The following DLX3 variants were observed in gnomAD, a reference collection of about 807,000 sequenced individuals.
The protein encoded by DLX3 is distal-less homeobox 3.
DLX3 carries 9 observed loss-of-function variants against 28.0 expected under a neutral mutation model. That is an observed-to-expected ratio of 0.32 (90% CI 0.19 to 0.56). The LOEUF (loss-of-function observed/expected upper bound fraction) is 0.56. Among genes scored for constraint, DLX3 ranks in the 20% least tolerant of loss-of-function variants. The pLI, the probability that DLX3 is intolerant of heterozygous loss-of-function variation, is 0.91. For missense variants in DLX3, 313 were observed against 378.2 expected, an observed-to-expected ratio of 0.83 and a Z score of 1.43; for synonymous variants, 154 against 167.9, an observed-to-expected ratio of 0.92 and a Z score of 0.64.
chr17:49,992,411 C>T (rs920495998), intron 2 of DLX3, among the ~76,000 whole-genome samples: 2 of 152,092 alleles, frequency 1.3e-5, no homozygotes, highest in African/African-American at 4.8e-5. Flanking sequence ...AGACACCAGA[C>T]AATAAAAATA....
chr17:49,991,775 A>G lies in DLX3; in HGVS notation c.606T>C (p.Ser202=). ...GTGGTGAGTTGCAGGCCATGGAATC[A>G]CTGTTATTGGGACTGTGCTCCAGCG... is the stretch of plus-strand genomic sequence containing the variant. ...EVPLEHSPNN[S]DSMACNSPPS... is the part of the protein sequence containing the mutation. Residue 202 remains serine (S), a synonymous_variant, in exon 3 of 3, where the codon AGT becomes AGC. Coordinates refer to ENST00000434704, the MANE Select transcript of DLX3 (RefSeq NM_005220.3). 1 of 1,613,844 alleles carries G rather than the reference A, an allele frequency of 6.2e-7. No individual in the cohort carries two copies. Among genetic ancestry groups the G allele is most frequent in the Non-Finnish European group, 8.5e-7 (1 of 1,179,970 alleles).
At chr17:49,992,286 A>G (rs1906118648) in intron 2 of DLX3, among the ~76,000 whole-genome samples, 1 of 152,210 alleles carries the variant, frequency 6.6e-6, no homozygotes, top group Non-Finnish European at 1.5e-5. Context: ...GACGGTTTGT[A>G]GCATTTCATT....
chr17:49,994,547 A>G, intron 1 of DLX3, 127 bp downstream of exon 1: 1 of 1,182,260 alleles, frequency 8.5e-7, no homozygotes, highest in Non-Finnish European at 1.2e-6. Flanking sequence ...ATCTAGGCCA[A>G]CTTCTCTAAC....
intron 2 of DLX3, among the ~76,000 whole-genome samples, chr17:49,993,145 C>T (rs1012811834): frequency 3.3e-5 from 5 of 152,186 alleles, no homozygotes; most frequent in Non-Finnish European, 7.3e-5. Context: ...AAGTGACTAG[C>T]ACTGCTGGGG....
rs2041024911 is a variant in DLX3 at position 49,991,672 on chromosome 17, A to C, written c.709T>G (p.Tyr237Asp). 6.2e-7 allele frequency: 1 copy of C among 1,613,654 alleles called. No homozygotes were observed. Among genetic ancestry groups the C allele is most frequent in the Non-Finnish European group, 8.5e-7 (1 of 1,179,914 alleles). The change falls in exon 3 of 3, where the codon TAC becomes GAC. Residue 237 changes from tyrosine to aspartate, a missense_variant. By Grantham distance (160) the Tyr-to-Asp change is radical. Coordinates refer to ENST00000434704, the MANE Select transcript of DLX3 (RefSeq NM_005220.3). ...ARSQLPPPLP[Y>D]SASPSYLDDP... ...TCCAGGTAGCTGGGGGAGGCACTGT[A>C]TGGGAGCGGCGGGGGCAGCTGACTG...
At position 49,994,953 on chromosome 17, in the gene DLX3, T is replaced by TG; in HGVS notation, c.45dup (p.Ile16HisfsTer6). On this transcript the variant is annotated frameshift_variant, in exon 1 of 3. Coordinates refer to ENST00000434704, the MANE Select transcript of DLX3 (RefSeq NM_005220.3). LOFTEE classifies it high-confidence loss of function. Reference sequence around the variant, plus strand: ...GCATGGCAGCTAAGGGAGCTGGAGATGTCGGTGAGGATGCTGCTGAGCTTG... The same window carrying TG: ...GCATGGCAGCTAAGGGAGCTGGAGATGGTCGGTGAGGATGCTGCTGAGCTTG... The TG allele has an allele frequency of 6.2e-7, 1 of 1,613,552 alleles. No individual in the cohort carries two copies.
chr17:49,991,639 TG>T lies in DLX3; in HGVS notation c.741del (p.Thr248ProfsTer10), dbSNP rs1906093151. 1.2e-6 allele frequency: 2 copies of T among 1,613,370 alleles called. No individual in the cohort carries two copies. Among genetic ancestry groups the T allele is most frequent in the East Asian group, 4.5e-5 (2 of 44,854 alleles). ...TTCTGTGCGTGATACCAGGAGTTGG[TG>T]GGGTCGTCCAGGTAGCTGGGGGAGG... Reference protein sequence around the residue: ...YSASPSYLDDPTNSWYHAQNL... With the variant: ...YSASPSYLDDXTNSWYHAQNL... On this transcript the variant is annotated frameshift_variant, in exon 3 of 3. Transcript: ENST00000434704. LOFTEE classifies it high-confidence loss of function.
At chr17:49,992,463 G>A (rs1328214345) in intron 2 of DLX3, among the ~76,000 whole-genome samples, 1 of 152,072 alleles carries the variant, frequency 6.6e-6, no homozygotes, top group Non-Finnish European at 1.5e-5. Context: ...CCCACAACAT[G>A]AGCACCCACA....
intron 1 of DLX3, 123 bp from the exon 2 acceptor site, chr17:49,993,713 G>A: frequency 8.5e-7 from 1 of 1,174,698 alleles, no homozygotes; most frequent in Non-Finnish European, 1.2e-6. Flanking sequence ...GGGATTCCCG[G>A]CCGCGCGCTC....
Position 49,995,220 on chromosome 17 carries a change from A to C in DLX3, c.-222T>G. 3.2e-6 allele frequency: 2 copies of C among 619,510 alleles called. No homozygotes were observed. Among genetic ancestry groups the C allele is most frequent in the Non-Finnish European group, 2.9e-6 (1 of 349,948 alleles). 38.4% of individuals were successfully genotyped at this position (619,510 alleles called of 1,614,324 possible). On this transcript the variant is annotated 5_prime_UTR_variant, in exon 1 of 3. Transcript: ENST00000434704. Reference sequence around the variant, plus strand: ...TCCTCGCGTCCCAAGCCACAATCAAATGCTGCCAGCTCCGCCCGGCCAGCC... The same window carrying C: ...TCCTCGCGTCCCAAGCCACAATCAACTGCTGCCAGCTCCGCCCGGCCAGCC...
rs2303467 is a variant in DLX3 at position 49,993,377 on chromosome 17, G to A, written c.516+23C>T. The A allele has an allele frequency of 0.19, 296,133 of 1,580,562 alleles. 30,889 individuals carry two copies. The highest frequency in any genetic ancestry group is 0.5 in the East Asian group (21,674 of 43,606). The stretch of plus-strand genomic sequence containing the variant: ...CTACGGGGTCCCGCGCGCCCCCGCG[G>A]CCCTGGACAGCCAAACACCAACCTG... On this transcript the variant is annotated intron_variant, in intron 2 of 2. Coordinates refer to ENST00000434704, the MANE Select transcript of DLX3 (RefSeq NM_005220.3).
In DLX3 at chr17:49,994,784, T is replaced by C. The variant is rs757474298; in HGVS notation, c.215A>G (p.Asn72Ser). The change falls in exon 1 of 3, where the codon AAT (asparagine) becomes AGT (serine). Residue 72 changes from asparagine (N) to serine (S), a missense_variant. Transcript: ENST00000434704. ...PYTYHHQFNL[N>S]GLAGTGAYSP... ...GTAAGCGCCCGTGCCTGCAAGCCCA[T>C]TGAGATTGAATTGGTGGTGGTAGGT... 3.7e-6 allele frequency: 6 copies of C among 1,614,100 alleles called. No homozygotes were observed. In the South Asian group the frequency reaches 5.5e-5, roughly 15 times the overall value.
rs750898874 is a variant in DLX3 at position 49,993,482 on chromosome 17, T to A, written c.434A>T (p.Gln145Leu). The A allele has an allele frequency of 4.3e-6, 7 of 1,612,936 alleles. No individual in the cohort carries two copies. The highest frequency in any genetic ancestry group is 5.9e-6 in the Non-Finnish European group (7 of 1,179,432). Residue 145 changes from glutamine to leucine, a missense_variant, in exon 2 of 3, where the codon CAG (glutamine) becomes CTG (leucine). By Grantham distance (113) the Gln-to-Leu change is moderately radical. This residue lies in a region of DLX3 where 183 missense variants were observed against 197.7 expected (regional missense o/e 0.93). Coordinates refer to ENST00000434704, the MANE Select transcript of DLX3 (RefSeq NM_005220.3). ...GTACTGGGCCTTCTGGAAGCGGCGC[T>A]GCAGGGCGGCCAGCTGGTAGCTGGA... ...IYSSYQLAALQRRFQKAQYLA... is the reference protein window; with the variant it reads ...IYSSYQLAALLRRFQKAQYLA...
chr17:49,993,502 G>A lies in DLX3; in HGVS notation c.414C>T (p.Ser138=), dbSNP rs755653666. 1.1e-5 allele frequency: 18 copies of A among 1,613,600 alleles called. No individual in the cohort carries two copies. The highest frequency in any genetic ancestry group is 1.5e-5 in the Non-Finnish European group (18 of 1,179,730). ...KVRKPRTIYS[S]YQLAALQRRF... is the part of the protein sequence containing the mutation. ...GGCGCTGCAGGGCGGCCAGCTGGTA[G>A]CTGGAGTAGATCGTACGCGGCTTTC... Residue 138 remains serine (S), a synonymous_variant, in exon 2 of 3, where the codon AGC becomes AGT. Coordinates refer to ENST00000434704, the MANE Select transcript of DLX3 (RefSeq NM_005220.3).
chr17:49,993,308 C>A, intron 2 of DLX3, 92 bp downstream of exon 2: 1 of 1,358,110 alleles, frequency 7.4e-7, no homozygotes, highest in South Asian at 1.3e-5. Flanking sequence ...CAGGAGCCCG[C>A]AGGGCCCTTC....
chr17:49,993,206 G>A (rs1315984640), intron 2 of DLX3, among the ~76,000 whole-genome samples, 194 bp downstream of exon 2: 2 of 152,218 alleles, frequency 1.3e-5, no homozygotes, highest in Non-Finnish European at 2.9e-5. Context: ...AGTTGCACGG[G>A]TTCACAACTA....
At position 49,990,449 on chromosome 17, in the gene DLX3, G is replaced by A. The variant is rs1906046385; in HGVS notation, c.*1068C>T. On this transcript the variant is annotated 3_prime_UTR_variant, in exon 3 of 3. Coordinates refer to ENST00000434704, the MANE Select transcript of DLX3 (RefSeq NM_005220.3). ...AGGGGCAGTGCCACCAGCCCTCCAG[G>A]CAGTTACCCCTTACTCCCAAAGGCA... 2 of 152,026 alleles carry A rather than the reference G, an allele frequency of 1.3e-5. No individual in the cohort carries two copies. The highest frequency in any genetic ancestry group is 1.3e-4 in the Admixed American group (2 of 15,200). 9.4% of individuals were successfully genotyped at this position (152,026 alleles called of 1,614,324 possible). A position where few individuals can be genotyped will look rare whatever the true frequency, so the allele number is the denominator to read the frequency against.
At chr17:49,992,078 A>C (rs1362244555) in intron 2 of DLX3, among the ~76,000 whole-genome samples, 5 of 152,144 alleles carry the variant, frequency 3.3e-5, no homozygotes, top group Non-Finnish European at 7.3e-5. Context: ...TCTGTCACTT[A>C]CTAAGCGTGA....
intron 2 of DLX3, among the ~76,000 whole-genome samples, chr17:49,992,668 G>C (rs1283807059): frequency 2.0e-5 from 3 of 152,072 alleles, no homozygotes; most frequent in African/African-American, 7.2e-5. Flanking sequence ...GATTCCCGGC[G>C]GATGGGGCCC....
Sources: allele counts gnomAD v4.1 joint callset (sites outside exome capture counted in the v4.1 genomes callset), GRCh38; gene constraint gnomAD v4.1.1; regional missense constraint gnomAD v4.1.1; transcripts MANE v1.5; gene names NCBI Gene and HGNC (gene_info 2026-07-23, HGNC 2026-07-21).